ASCC1: variants seen among roughly 807,000 people sequenced by gnomAD.
ASCC1 encodes the protein ASC-1 complex subunit P50.
ASCC1 carries 35 observed loss-of-function variants against 46.6 expected under a neutral mutation model. The ratio of observed to expected loss-of-function variants is 0.75; its 90% CI spans 0.57 to 0.99. The LOEUF (loss-of-function observed/expected upper bound fraction) is 0.99, where lower values mean the gene tolerates loss of function less well. ASCC1 is among the 50% of genes least tolerant of loss of function. The pLI is 0.00. For synonymous variants in ASCC1, 143 were observed against 146.6 expected (o/e 0.98, Z 0.18); for missense variants, 376 against 428.7 (o/e 0.88, Z 1.09).
chr10:72,208,274 C>T (rs533467650), intron 3 of ASCC1, among the ~76,000 whole-genome samples: 1 of 151,550 alleles, frequency 6.6e-6, no homozygotes, highest in South Asian at 2.1e-4. Flanking sequence ...AACTTTTACA[C>T]ACCTTAGCAA....
intron 9 of ASCC1, among the ~76,000 whole-genome samples, chr10:72,114,579 G>A (rs1286744893): frequency 3.5e-5 from 5 of 144,006 alleles, no homozygotes; most frequent in African/African-American, 1.0e-4. Flanking sequence ...GAACTGGATC[G>A]CACCACTGCA....
At chr10:72,112,203 C>G (rs1185647588) in intron 9 of ASCC1, among the ~76,000 whole-genome samples, 1 of 152,160 alleles carries the variant, frequency 6.6e-6, no homozygotes, top group Non-Finnish European at 1.5e-5. Context: ...GCTAAAAACA[C>G]ACAATGCAGA....
chr10:72,215,255 C>T (rs1431499929), intron 1 of ASCC1, among the ~76,000 whole-genome samples: 1 of 152,056 alleles, frequency 6.6e-6, no homozygotes, highest in Non-Finnish European at 1.5e-5. Context: ...AGAAAGTAGC[C>T]GGGTGTGGTG....
At chr10:72,102,497 C>G (rs912028202) in intron 9 of ASCC1, 1 of 1,100,834 alleles carries the variant, frequency 9.1e-7, no homozygotes, top group Non-Finnish European at 1.3e-6. Flanking sequence ...TCTTTTTATA[C>G]TAGGGAAATG....
At chr10:72,135,240 C>T (rs1373019299) in intron 7 of ASCC1, among the ~76,000 whole-genome samples, 1 of 152,192 alleles carries the variant, frequency 6.6e-6, no homozygotes, top group African/African-American at 2.4e-5. Flanking sequence ...ACAAGCCCCA[C>T]CCTTGTGCAG....
intron 7 of ASCC1, among the ~76,000 whole-genome samples, chr10:72,147,061 A>G (rs538364520): frequency 6.6e-6 from 1 of 150,436 alleles, no homozygotes; most frequent in Non-Finnish European, 1.5e-5. Flanking sequence ...AAATTAAATA[A>G]GTGAATAAGT....
At chr10:72,101,352 T>C (rs1233471624) in intron 9 of ASCC1, among the ~76,000 whole-genome samples, 2 of 152,120 alleles carry the variant, frequency 1.3e-5, no homozygotes, top group Non-Finnish European at 2.9e-5. Context: ...AGATGAGAGG[T>C]ACAGGCCATC....
intron 5 of ASCC1, among the ~76,000 whole-genome samples, chr10:72,173,678 A>T (rs1851514677): frequency 6.6e-6 from 1 of 152,192 alleles, no homozygotes; most frequent in South Asian, 2.1e-4. Flanking sequence ...AATTATCTAA[A>T]TTTAATTTGG....
intron 2 of ASCC1, among the ~76,000 whole-genome samples, chr10:72,212,465 C>T (rs1254648241): frequency 6.6e-6 from 1 of 151,458 alleles, no homozygotes; most frequent in Non-Finnish European, 1.5e-5. Flanking sequence ...CGATGTTCTA[C>T]AAAAGGGACA....
intron 8 of ASCC1, 66 bp from the exon 9 acceptor site, chr10:72,128,233 TA>T: frequency 7.2e-7 from 1 of 1,397,904 alleles, no homozygotes; most frequent in Non-Finnish European, 1.0e-6. Context: ...TGGATTTCTA[TA>T]GGTACATAGG....
At chr10:72,147,410 A>G (rs1232518537) in intron 7 of ASCC1, among the ~76,000 whole-genome samples, 3 of 151,742 alleles carry the variant, frequency 2.0e-5, no homozygotes, top group African/African-American at 7.3e-5. Flanking sequence ...GAGCCACCAC[A>G]CCCAGCTAAT....
intron 5 of ASCC1, among the ~76,000 whole-genome samples, chr10:72,182,387 C>T (rs1852749745): frequency 6.6e-6 from 1 of 152,184 alleles, no homozygotes; most frequent in Admixed American, 6.5e-5. Flanking sequence ...ATAGAACTAG[C>T]TTCAATGTTC....
chr10:72,202,858 C>T (rs1472502504), intron 4 of ASCC1, among the ~76,000 whole-genome samples: 4 of 152,144 alleles, frequency 2.6e-5, no homozygotes, highest in East Asian at 1.9e-4. Context: ...TCTCCTAATA[C>T]ACAGTGAAAT....
chr10:72,213,527 C>A lies in ASCC1; in HGVS notation c.-33-196G>T, dbSNP rs191718907. Among the ~76,000 whole-genome samples the A allele has an allele frequency of 3.2e-3, 486 of 150,756 alleles. 5 individuals are homozygous for A. The highest frequency in any genetic ancestry group is 0.011 in the African/African-American group (461 of 41,070). On this transcript the variant is annotated intron_variant, in intron 1 of 9. Transcript: ENST00000672957. ...TGCTGCATTTTCTACCACACTGGCT[C>A]ACTCTAGACAGCAAAGTAATTTGTA...
chr10:72,142,619 A>C (rs1367041828), intron 7 of ASCC1, among the ~76,000 whole-genome samples: 2 of 151,954 alleles, frequency 1.3e-5, no homozygotes, highest in Non-Finnish European at 2.9e-5. Context: ...TGCCCGCCTC[A>C]GCCTCCCAAA....
chr10:72,203,033 T>C (rs1319729306), intron 4 of ASCC1, among the ~76,000 whole-genome samples: 2 of 152,016 alleles, frequency 1.3e-5, no homozygotes, highest in Non-Finnish European at 2.9e-5. Context: ...ACGTCTATAA[T>C]CCCAACACTT....
At chr10:72,184,271 A>G (rs1040756635) in intron 5 of ASCC1, among the ~76,000 whole-genome samples, 3 of 152,126 alleles carry the variant, frequency 2.0e-5, no homozygotes, top group Non-Finnish European at 2.9e-5. Context: ...AGAAAGAAAC[A>G]AAAAATAAGA....
intron 9 of ASCC1, among the ~76,000 whole-genome samples, chr10:72,109,947 T>G (rs1842746538): frequency 6.6e-6 from 1 of 152,016 alleles, no homozygotes; most frequent in Non-Finnish European, 1.5e-5. Context: ...AGATGAGAGG[T>G]GAAAGTTCAA....
At chr10:72,174,291 G>A (rs972579556) in intron 5 of ASCC1, among the ~76,000 whole-genome samples, 8 of 152,136 alleles carry the variant, frequency 5.3e-5, no homozygotes, top group Non-Finnish European at 2.9e-5. Context: ...CAGCACCCTG[G>A]GCTCGAGTGG....
Sources: gnomAD v4.1 joint callset for allele counts (sites outside exome capture counted in the v4.1 genomes callset) on GRCh38, gnomAD v4.1.1 for gene constraint, MANE v1.5 for transcripts, NCBI Gene and HGNC (gene_info 2026-07-23, HGNC 2026-07-21) for gene names.